NLRP13: variants seen among roughly 807,000 people sequenced by gnomAD.
The protein encoded by NLRP13 is NLR family pyrin domain containing 13, also known as NACHT, LRR and PYD domains-containing protein 13.
Under a neutral mutation model 94.4 loss-of-function variants are expected in NLRP13, and 82 were observed. The observed-to-expected ratio is 0.87, with a 90% CI of 0.73 to 1.04. The LOEUF is 1.04. Ranked by LOEUF, NLRP13 falls within the 50% of genes least tolerant of loss-of-function variation. The pLI, the probability that NLRP13 is intolerant of heterozygous loss-of-function variation, is 0.00. For synonymous variants in NLRP13, 553 were observed against 464.7 expected, an observed-to-expected ratio of 1.19 and a Z score of -2.45; for missense variants, 1,426 against 1,230.8, an observed-to-expected ratio of 1.16 and a Z score of -2.37.
chr19:55,898,352 G>C (rs888511928), intron 10 of NLRP13, among the ~76,000 whole-genome samples: 6 of 151,982 alleles, frequency 3.9e-5, no homozygotes, highest in Non-Finnish European at 8.8e-5. Flanking sequence ...TGGGACTACA[G>C]ATGCCCACCT....
At chr19:55,891,874 G>C (rs553816394), downstream of NLRP13, 4 of 390,454 alleles carry the variant, frequency 1.0e-5, no homozygotes, top group Admixed American at 1.8e-4. Context: ...CCGTGACAAA[G>C]CCTCCTGCAG....
downstream of NLRP13, chr19:55,892,141 G>T (rs1985867944): frequency 8.1e-7 from 1 of 1,231,490 alleles, no homozygotes; most frequent in African/African-American, 1.6e-5. Flanking sequence ...AAGAAGTACT[G>T]AAGTTTAGAA....
chr19:55,903,005 CAATTAT>C, intron 8 of NLRP13, among the ~76,000 whole-genome samples: 1 of 150,360 alleles, frequency 6.7e-6, no homozygotes, highest in South Asian at 2.1e-4. Context: ...TATATAATTA[CAATTAT>C]AATTGGTTAA....
chr19:55,893,616 G>C (rs1264604188), downstream of NLRP13, among the ~76,000 whole-genome samples: 5 of 152,140 alleles, frequency 3.3e-5, no homozygotes, highest in African/African-American at 2.4e-5. Context: ...CAACCACAAA[G>C]GTAGAGGATG....
intron 5 of NLRP13, 107 bp downstream of exon 5, chr19:55,911,599 A>AG: frequency 9.3e-7 from 1 of 1,079,772 alleles, no homozygotes; most frequent in Admixed American, 2.3e-5. Flanking sequence ...GTCGGAAATA[A>AG]GCACGAATAC....
intron 1 of NLRP13, among the ~76,000 whole-genome samples, chr19:55,930,258 C>T (rs541670138): frequency 6.6e-6 from 1 of 152,288 alleles, no homozygotes; most frequent in South Asian, 2.1e-4. Flanking sequence ...TGGTCACCAG[C>T]TCTGTGACTT....
intron 4 of NLRP13, among the ~76,000 whole-genome samples, chr19:55,915,529 C>T (rs1240966341): frequency 6.6e-6 from 1 of 152,120 alleles, no homozygotes; most frequent in Non-Finnish European, 1.5e-5. Flanking sequence ...ACCCGGGAGG[C>T]AGAGGTTGCA....
In NLRP13 at chr19:55,931,724, A is replaced by AGAAAGAAAGACAGAAAGAAAGAC. The variant is rs1568449426; in HGVS notation, c.319+268_319+269insGTCTTTCTTTCTGTCTTTCTTTC. 2.2e-4 allele frequency among the ~76,000 whole-genome samples: 30 copies of AGAAAGAAAGACAGAAAGAAAGAC among 137,120 alleles called. 1 individual carries two copies. The highest frequency in any genetic ancestry group is 7.9e-4 in the African/African-American group (30 of 38,200). The allele number at this position is 137,120 out of a possible 152,430, so 90.0% of individuals were successfully genotyped here. ...GACTCAGGCTCAAAAAAAAAAAAAA[A>AGAAAGAAAGACAGAAAGAAAGAC]AGAAAGAAAGAAAGAAAGAAAAAGG... On this transcript the variant is annotated intron_variant, in intron 1 of 10. Coordinates refer to ENST00000342929, the MANE Select transcript of NLRP13 (RefSeq NM_176810.2).
At chr19:55,923,524 G>C (rs968331902) in intron 4 of NLRP13, among the ~76,000 whole-genome samples, 2 of 152,174 alleles carry the variant, frequency 1.3e-5, no homozygotes, top group Non-Finnish European at 2.9e-5. Flanking sequence ...ACCACCATGT[G>C]AATTGCCCAC....
Position 55,932,191 on chromosome 19 carries a change from G to C in NLRP13, c.121C>G (p.Leu41Val), listed in dbSNP as rs748808659. The change falls in exon 1 of 11, where the codon CTG becomes GTG. Residue 41 changes from leucine (L) to valine (V), a missense_variant. Leu to Val is a conservative substitution (Grantham distance 32). Transcript: ENST00000342929. Reference sequence around the variant, plus strand: ...TGGGGGGCCGACCAGAAGTCCATCAGCTGCTGGGGTTCCAAGCAAAGCTTG... The same window carrying C: ...TGGGGGGCCGACCAGAAGTCCATCACCTGCTGGGGTTCCAAGCAAAGCTTG... ...EFKLCLEPQQLMDFWSAPQGH... is the reference protein window; with the variant it reads ...EFKLCLEPQQVMDFWSAPQGH... The C allele has an allele frequency of 1.9e-6, 3 of 1,614,060 alleles. No homozygotes were observed. Among genetic ancestry groups the C allele is most frequent in the Non-Finnish European group, 2.5e-6 (3 of 1,179,984 alleles).
chr19:55,896,041 A>G lies in NLRP13; in HGVS notation c.3036T>C (p.Asn1012=), dbSNP rs1197865864. The G allele has an allele frequency of 1.2e-6, 2 of 1,614,098 alleles. No individual in the cohort carries two copies. Among genetic ancestry groups the G allele is most frequent in the African/African-American group, 1.3e-5 (1 of 74,940 alleles). The part of the protein sequence containing the change: ...SVLSSSKSLV[N]LNLLGNELDT... ...CCAATTCATTGCCTAGAAGGTTCAG[A>G]TTGACCAGGCTCTTACTGCTGCTGA... Residue 1012 remains asparagine, a synonymous_variant, in exon 11 of 11, where the codon AAT becomes AAC. Transcript: ENST00000342929.
In NLRP13 at chr19:55,896,079, G is replaced by A. The variant is rs150443652; in HGVS notation, c.2998C>T (p.Leu1000Phe). ...CNLTTACCQHLFSVLSSSKSL... is the reference protein window; with the variant it reads ...CNLTTACCQHFFSVLSSSKSL... ...TTACTGCTGCTGAGAACAGAGAAGAGATGCTGGCAGCAAGCAGTTGTCAGA... is the reference window on the plus strand; with the variant it reads ...TTACTGCTGCTGAGAACAGAGAAGAAATGCTGGCAGCAAGCAGTTGTCAGA... Residue 1000 changes from leucine (L) to phenylalanine (F), a missense_variant, in exon 11 of 11, where the codon CTC (leucine) becomes TTC (phenylalanine). Transcript: ENST00000342929. 26 of 1,614,156 alleles carry A rather than the reference G, an allele frequency of 1.6e-5. No homozygotes were observed. The highest frequency in any genetic ancestry group is 2.2e-5 in the Non-Finnish European group (26 of 1,180,004).
rs926394369 is a variant in NLRP13 at position 55,914,496 on chromosome 19, C to T, written c.524-1203G>A. On this transcript the variant is annotated intron_variant, in intron 4 of 10. Transcript: ENST00000342929. ...ATCTTCATCTAAGTGAAAATGGGCA[C>T]CTGGCAGACTAGAATGTATTTGTAG... 6.3e-4 allele frequency among the ~76,000 whole-genome samples: 96 copies of T among 152,210 alleles called. 1 individual carries two copies. Among genetic ancestry groups the T allele is most frequent in the South Asian group, 4.1e-4 (2 of 4,826 alleles).
chr19:55,898,621 G>C (rs371016263), intron 10 of NLRP13, 149 bp downstream of exon 10: 18 of 783,896 alleles, frequency 2.3e-5, no homozygotes, highest in East Asian at 2.1e-4. Context: ...CTGGGGTTAC[G>C]GGCGTGAGCC....
At chr19:55,905,473 A>ATG in intron 7 of NLRP13, among the ~76,000 whole-genome samples, 1 of 119,262 alleles carries the variant, frequency 8.4e-6, no homozygotes, top group Non-Finnish European at 2.0e-5. Context: ...ACACATATAT[A>ATG]CATATATATA....
In NLRP13 at chr19:55,911,985, C is replaced by G. The variant is rs1240145217; in HGVS notation, c.1832G>C (p.Arg611Thr). ...CCACTTTAATAATTCCTCCATTACC[C>G]TGGGAGATATTTTACAATGCAAAGT... ...EDTLHCKISPRVMEELLKWGE... is the reference protein window; with the variant it reads ...EDTLHCKISPTVMEELLKWGE... Residue 611 changes from arginine to threonine, a missense_variant, in exon 5 of 11, where the codon AGG becomes ACG. By Grantham distance (71) the Arg-to-Thr change is moderately conservative. Coordinates refer to ENST00000342929, the MANE Select transcript of NLRP13 (RefSeq NM_176810.2). The G allele has an allele frequency of 2.5e-6, 4 of 1,614,176 alleles. No homozygotes were observed. Among genetic ancestry groups the G allele is most frequent in the Non-Finnish European group, 3.4e-6 (4 of 1,180,034 alleles).
At position 55,930,874 on chromosome 19, in the gene NLRP13, T is replaced by TTTTATATATA. The variant is rs55900335; in HGVS notation, c.319+1118_319+1119insTATATATAAA. Among the ~76,000 whole-genome samples the TTTTATATATA allele has an allele frequency of 3.2e-3, 225 of 70,188 alleles. 7 individuals carry two copies. Among genetic ancestry groups the TTTTATATATA allele is most frequent in the African/African-American group, 0.015 (192 of 12,700 alleles). 46.0% of individuals were successfully genotyped at this position (70,188 alleles called of 152,430 possible). A position where few individuals can be genotyped will look rare whatever the true frequency, so the allele number is the denominator to read the frequency against. ...GGCTTACAGGAGATAGAATCAGTGA[T>TTTTATATATA]TATATATATATATATATATATATAA... On this transcript the variant is annotated intron_variant, in intron 1 of 10. Coordinates refer to ENST00000342929, the MANE Select transcript of NLRP13 (RefSeq NM_176810.2).
At chr19:55,927,893 C>T (rs898252041) in intron 1 of NLRP13, among the ~76,000 whole-genome samples, 3 of 152,122 alleles carry the variant, frequency 2.0e-5, no homozygotes, top group African/African-American at 7.2e-5. Flanking sequence ...GCCCTTAAGC[C>T]AATAGTCCCC....
At position 55,897,138 on chromosome 19, in the gene NLRP13, T is replaced by A. The variant is rs191313799; in HGVS notation, c.2958-1019A>T. ...TACAAAATTTGAACATAGGGTTGGC[T>A]AGCTACTAGAAACACAAAGACAAAA... On this transcript the variant is annotated intron_variant, in intron 10 of 10. Coordinates refer to ENST00000342929, the MANE Select transcript of NLRP13 (RefSeq NM_176810.2). Among the ~76,000 whole-genome samples, 203 of 152,290 alleles carry A rather than the reference T, an allele frequency of 1.3e-3. 1 individual carries two copies. The highest frequency in any genetic ancestry group is 4.6e-3 in the African/African-American group (190 of 41,566).
Sources: gnomAD v4.1 joint callset for allele counts (sites outside exome capture counted in the v4.1 genomes callset) on GRCh38, gnomAD v4.1.1 for gene constraint, MANE v1.5 for transcripts, NCBI Gene and HGNC (gene_info 2026-07-23, HGNC 2026-07-21) for gene names.